SASH1: variants seen among roughly 807,000 people sequenced by gnomAD.
SASH1 encodes SAM and SH3 domain containing 1, also known as SAM and SH3 domain-containing protein 1.
In SASH1, 44 loss-of-function variants were observed where a neutral mutation model predicts 125.2. The observed-to-expected ratio is 0.35, with a 90% CI of 0.28 to 0.45. The LOEUF (loss-of-function observed/expected upper bound fraction) is 0.45. Among genes scored for constraint, SASH1 ranks in the 20% least tolerant of loss-of-function variants. SASH1 has a pLI of 1.00. For missense variants in SASH1, 1,426 were observed against 1,614.5 expected, an observed-to-expected ratio of 0.88 and a Z score of 2.00; for synonymous variants, 639 against 649.1, an observed-to-expected ratio of 0.98 and a Z score of 0.24.
intron 1 of SASH1, among the ~76,000 whole-genome samples, chr6:148,375,467 T>A (rs1782856020): frequency 6.6e-6 from 1 of 152,136 alleles, no homozygotes; most frequent in African/African-American, 2.4e-5. Flanking sequence ...TTTCATTAAC[T>A]TCCAAGATGT....
chr6:148,317,204 T>C (rs1780499267), intron 1 of SASH1, among the ~76,000 whole-genome samples: 1 of 152,192 alleles, frequency 6.6e-6, no homozygotes, highest in African/African-American at 2.4e-5. Flanking sequence ...ATACTTCTCT[T>C]GGATGAAGAC....
chr6:148,413,352 C>T (rs765449338), intron 2 of SASH1, among the ~76,000 whole-genome samples: 10 of 151,846 alleles, frequency 6.6e-5, no homozygotes, highest in African/African-American at 1.2e-4. Context: ...AATGAGGAAA[C>T]GAACAGAAGA....
intron 1 of SASH1, chr6:148,280,193 A>C (rs1779300700): frequency 6.6e-6 from 1 of 150,786 alleles, no homozygotes; most frequent in African/African-American, 2.4e-5. Flanking sequence ...TGGAACTTAC[A>C]CCCTCCCATG....
chr6:148,364,245 G>A (rs1782361791), intron 1 of SASH1, among the ~76,000 whole-genome samples: 1 of 152,082 alleles, frequency 6.6e-6, no homozygotes, highest in African/African-American at 2.4e-5. Context: ...CTTCTTATTA[G>A]CAGAGGAAAA....
At chr6:148,413,944 G>C (rs924822321) in intron 2 of SASH1, among the ~76,000 whole-genome samples, 8 of 151,896 alleles carry the variant, frequency 5.3e-5, no homozygotes, top group African/African-American at 1.9e-4. Flanking sequence ...TCCCTTTTAT[G>C]AAGTCTATGT....
intron 8 of SASH1, among the ~76,000 whole-genome samples, chr6:148,492,988 T>TA (rs1185083083): frequency 6.6e-6 from 1 of 152,318 alleles, no homozygotes; most frequent in East Asian, 1.9e-4. Flanking sequence ...CAGCCTGTCT[T>TA]AGTTAGACCT....
In SASH1 at chr6:148,549,806, A is replaced by C. The variant is rs1175916083; in HGVS notation, c.*1248A>C. The C allele has an allele frequency of 5.3e-6, 2 of 373,836 alleles. No individual in the cohort carries two copies. The highest frequency in any genetic ancestry group is 4.7e-6 in the Non-Finnish European group (1 of 211,398). 23.2% of individuals were successfully genotyped at this position (373,836 alleles called of 1,614,324 possible). ...ATTGTTTTACAACTGATTTCAGCAC[A>C]TTCTATCCTTTTTTTTTTTTGAAAT... is the stretch of plus-strand genomic sequence containing the variant. On this transcript the variant is annotated 3_prime_UTR_variant, in exon 20 of 20. Transcript: ENST00000367467.
In SASH1 at chr6:148,337,506, G is replaced by A. The variant is rs553577869; in HGVS notation, n.75-52628G>A. Among the ~76,000 whole-genome samples the A allele has an allele frequency of 5.1e-4, 78 of 152,180 alleles. 1 individual carries two copies. Among genetic ancestry groups the A allele is most frequent in the Admixed American group, 2.5e-3 (38 of 15,278 alleles). On this transcript the variant is annotated intron_variant and non_coding_transcript_variant, in intron 1 of 3. Coordinates refer to the SASH1 transcript ENST00000367469. ...CCCAAAGTGGTGGGATTACAGGCGTGAGCCACCATGCCTGGCCCTTAATTT... is the reference window on the plus strand; with the variant it reads ...CCCAAAGTGGTGGGATTACAGGCGTAAGCCACCATGCCTGGCCCTTAATTT...
intron 2 of SASH1, among the ~76,000 whole-genome samples, chr6:148,392,155 G>A (rs910366111): frequency 3.3e-5 from 5 of 152,038 alleles, no homozygotes; most frequent in African/African-American, 1.2e-4. Context: ...GCGTGGTGGC[G>A]CATGCCTCTA....
At chr6:148,312,274 G>A (rs890088730) in intron 1 of SASH1, among the ~76,000 whole-genome samples, 1 of 152,144 alleles carries the variant, frequency 6.6e-6, no homozygotes. Context: ...GATTTTTAGT[G>A]TGTAAATTAT....
intron 1 of SASH1, among the ~76,000 whole-genome samples, chr6:148,329,411 A>G (rs1191258993): frequency 6.6e-6 from 1 of 152,206 alleles, no homozygotes; most frequent in African/African-American, 2.4e-5. Flanking sequence ...TTAACAGGGA[A>G]TTGTTTCACT....
intron 1 of SASH1, among the ~76,000 whole-genome samples, chr6:148,312,813 T>C (rs1339193991): frequency 6.6e-6 from 1 of 152,052 alleles, no homozygotes; most frequent in African/African-American, 2.4e-5. Flanking sequence ...ATAGGTTCTA[T>C]TGTCCTATAG....
chr6:148,353,400 T>C (rs1243652023), intron 1 of SASH1, among the ~76,000 whole-genome samples: 1 of 151,740 alleles, frequency 6.6e-6, no homozygotes, highest in Non-Finnish European at 1.5e-5. Context: ...AATGAAGGGA[T>C]GATGTTCTGA....
At chr6:148,468,858 T>C (rs1004582547) in intron 5 of SASH1, 2 of 301,442 alleles carry the variant, frequency 6.6e-6, no homozygotes, top group African/African-American at 2.2e-5. Context: ...ACAGAAAAAT[T>C]AGAAGCAACC....
intron 10 of SASH1, among the ~76,000 whole-genome samples, chr6:148,521,239 C>T (rs1299847563): frequency 1.3e-5 from 2 of 152,206 alleles, no homozygotes; most frequent in Non-Finnish European, 2.9e-5. Flanking sequence ...GATTTCTTGG[C>T]CCTCTGTCAC....
intron 1 of SASH1, among the ~76,000 whole-genome samples, chr6:148,322,934 T>TTTCTCTCTTTTCTTCTCCTTCCTTC (rs1554234566): frequency 7.7e-6 from 1 of 129,404 alleles, no homozygotes; most frequent in South Asian, 2.6e-4. Flanking sequence ...TCTCTCTTTC[T>TTTCTCTCTTTTCTTCTCCTTCCTTC]TTTCCTTCCT....
At chr6:148,439,669 T>G (rs1776461068) in intron 2 of SASH1, among the ~76,000 whole-genome samples, 1 of 151,742 alleles carries the variant, frequency 6.6e-6, no homozygotes, top group Admixed American at 6.6e-5. Context: ...CCCAGCTACT[T>G]GGGAGGCTGA....
Position 148,531,216 on chromosome 6 carries a change from G to A in SASH1, c.1429-310G>A, listed in dbSNP as rs573832618. 1.3e-3 allele frequency among the ~76,000 whole-genome samples: 194 copies of A among 152,136 alleles called. 1 individual carries two copies. Among genetic ancestry groups the A allele is most frequent in the African/African-American group, 4.3e-3 (179 of 41,490 alleles). ...TCCAGCCTTGCTACTGGGCTTTTGC[G>A]TATGCTGAGTCTCTAAACCTTTAAG... On this transcript the variant is annotated intron_variant, in intron 12 of 19. Coordinates refer to ENST00000367467, the MANE Select transcript of SASH1 (RefSeq NM_015278.5).
chr6:148,476,109 A>G (rs1778328968), intron 7 of SASH1, among the ~76,000 whole-genome samples: 1 of 152,108 alleles, frequency 6.6e-6, no homozygotes, highest in African/African-American at 2.4e-5. Context: ...AAATCAACAC[A>G]TACATTTCTG....
Sources: gnomAD v4.1 joint callset for allele counts (sites outside exome capture counted in the v4.1 genomes callset) on GRCh38, gnomAD v4.1.1 for gene constraint, MANE v1.5 for transcripts, NCBI Gene and HGNC (gene_info 2026-07-23, HGNC 2026-07-21) for gene names.